MYZAP: variants seen among roughly 807,000 people sequenced by gnomAD.
The protein encoded by MYZAP is myocardial zonula adherens protein.
A neutral mutation model predicts 69.4 loss-of-function variants in MYZAP; 66 were observed. That is an observed-to-expected ratio of 0.95 (90% confidence interval 0.78 to 1.17). The LOEUF is 1.17. Among genes scored for constraint, MYZAP ranks in the 50% most tolerant of loss-of-function variants. The pLI, the probability that MYZAP is intolerant of heterozygous loss-of-function variation, is 0.00. For synonymous variants in MYZAP, 256 were observed against 205.9 expected (o/e 1.24, Z -2.09); for missense variants, 611 against 556.2 (o/e 1.10, Z -0.99).
rs765033891 is a variant in MYZAP, at chr15:57,625,762, C to T, written c.412-17C>T. 3 of 1,612,536 alleles carry T rather than the reference C, an allele frequency of 1.9e-6. No individual in the cohort carries two copies. Among genetic ancestry groups the T allele is most frequent in the Non-Finnish European group, 2.5e-6 (3 of 1,178,684 alleles). On this transcript the variant is annotated splice_polypyrimidine_tract_variant and intron_variant, in intron 4 of 12. Coordinates refer to ENST00000267853, the MANE Select transcript of MYZAP (RefSeq NM_001018100.5). ...GTAGGGATTGATTTTGTGTGACTGT[C>T]TCCTCGATCTGTCCAGGTTTCCCAT...
At chr15:57,657,653 T>C (rs1440324378) in intron 10 of MYZAP, among the ~76,000 whole-genome samples, 1 of 152,220 alleles carries the variant, frequency 6.6e-6, no homozygotes, top group Admixed American at 6.5e-5. Context: ...ACATTAATAG[T>C]CCATATTAAT....
At chr15:57,592,653 G>C (rs1433882913) in intron 1 of MYZAP, among the ~76,000 whole-genome samples, 1 of 152,150 alleles carries the variant, frequency 6.6e-6, no homozygotes, top group Non-Finnish European at 1.5e-5. Flanking sequence ...ACTTTCTTCT[G>C]TCTGATTTAA....
intron 10 of MYZAP, among the ~76,000 whole-genome samples, chr15:57,651,756 A>C (rs2037738393): frequency 6.6e-6 from 1 of 152,198 alleles, no homozygotes. Context: ...CTAAGCCAGC[A>C]AAGTTCCTGG....
chr15:57,662,284 G>A (rs1175294608), intron 11 of MYZAP, among the ~76,000 whole-genome samples: 1 of 152,192 alleles, frequency 6.6e-6, no homozygotes, highest in Non-Finnish European at 1.5e-5. Context: ...AAGCTGGTTT[G>A]CCAAGCACCT....
intron 2 of MYZAP, among the ~76,000 whole-genome samples, chr15:57,606,584 G>T (rs1173700654): frequency 2.7e-5 from 4 of 147,010 alleles, no homozygotes; most frequent in South Asian, 2.3e-4. Context: ...ATTGTGGGAT[G>T]GGGGGAGGGG....
chr15:57,630,954 A>G (rs932154809), intron 6 of MYZAP, among the ~76,000 whole-genome samples: 5 of 152,108 alleles, frequency 3.3e-5, no homozygotes, highest in African/African-American at 1.2e-4. Context: ...TGGGTGGGGA[A>G]GAGGGGCTGC....
chr15:57,593,982 A>T (rs573724586), intron 1 of MYZAP, among the ~76,000 whole-genome samples: 68 of 152,096 alleles, frequency 4.5e-4, no homozygotes, highest in African/African-American at 1.5e-3. Context: ...GGTCCGCCCT[A>T]CCTGTAGAGG....
chr15:57,679,628 T>C (rs1251062715), intron 12 of MYZAP, among the ~76,000 whole-genome samples: 2 of 152,154 alleles, frequency 1.3e-5, no homozygotes, highest in Admixed American at 6.6e-5. Context: ...TCTCCACCTA[T>C]CTCCCTGGTC....
intron 12 of MYZAP, among the ~76,000 whole-genome samples, chr15:57,676,751 T>G (rs2039156585): frequency 6.6e-6 from 1 of 152,174 alleles, no homozygotes; most frequent in Admixed American, 6.5e-5. Flanking sequence ...CTTTTCAATT[T>G]GTATGCCCAA....
At chr15:57,617,189 T>G (rs1381707589) in intron 2 of MYZAP, among the ~76,000 whole-genome samples, 1 of 152,128 alleles carries the variant, frequency 6.6e-6, no homozygotes. Context: ...GTCTCTGAAC[T>G]TCAGTTTTCT....
chr15:57,646,201 G>A, intron 10 of MYZAP: 1 of 1,289,344 alleles, frequency 7.8e-7, no homozygotes, highest in Non-Finnish European at 1.0e-6. Context: ...TAAGTTGGTA[G>A]CCTGCTCTGG....
At chr15:57,643,730 GT>G (rs1221479326) in intron 10 of MYZAP, among the ~76,000 whole-genome samples, 1,653 of 145,754 alleles carry the variant, frequency 0.011, 32 homozygotes, top group African/African-American at 0.04. Flanking sequence ...TTCTTAAGAG[GT>G]TTTTTTTTTG....
chr15:57,594,955 T>G (rs1424197249), intron 1 of MYZAP, among the ~76,000 whole-genome samples: 1 of 152,212 alleles, frequency 6.6e-6, no homozygotes, highest in Non-Finnish European at 1.5e-5. Context: ...CCATTAAAAT[T>G]GTATTTCTGG....
At chr15:57,637,644 C>G (rs376724574) in intron 8 of MYZAP, 51 bp from the exon 9 acceptor site, 1 of 1,584,936 alleles carries the variant, frequency 6.3e-7, no homozygotes, top group East Asian at 2.3e-5. Context: ...TAGACATTCT[C>G]TGTCAAACTT....
At chr15:57,660,630 G>T (rs1445978406) in intron 10 of MYZAP, among the ~76,000 whole-genome samples, 1 of 152,082 alleles carries the variant, frequency 6.6e-6, no homozygotes, top group Non-Finnish European at 1.5e-5. Flanking sequence ...GTGATTTTTT[G>T]AAATAATTTT....
chr15:57,612,792 G>A (rs141531965), intron 2 of MYZAP, among the ~76,000 whole-genome samples: 1 of 152,314 alleles, frequency 6.6e-6, no homozygotes, highest in East Asian at 1.9e-4. Flanking sequence ...GGGCCTGTAG[G>A]TAGAATTTAT....
At chr15:57,618,223 A>G in intron 3 of MYZAP, 35 bp downstream of exon 3, 2 of 1,607,050 alleles carry the variant, frequency 1.2e-6, no homozygotes, top group Non-Finnish European at 1.7e-6. Context: ...CCCCACCTGT[A>G]TTCTTTTTGT....
At position 57,637,699 on chromosome 15, in the gene MYZAP, G is replaced by A. The variant is rs754600804; in HGVS notation, c.938G>A (p.Arg313His). ...ATCAGTTTCTGTTTGTTTTAGGAAC[G>A]TCATCAACTGCAACTTCAACTCCTA... ...DRLIERMEKERHQLQLQLLEH... is the reference protein window; with the variant it reads ...DRLIERMEKEHHQLQLQLLEH... The change falls in exon 9 of 13, where the codon CGT (arginine) becomes CAT (histidine). Residue 313 changes from arginine to histidine, a missense_variant. Arg to His is a conservative substitution (Grantham distance 29, BLOSUM62 0). Coordinates refer to ENST00000267853, the MANE Select transcript of MYZAP (RefSeq NM_001018100.5). 11 of 1,612,508 alleles carry A rather than the reference G, an allele frequency of 6.8e-6. No individual in the cohort carries two copies. The highest frequency in any genetic ancestry group is 2.2e-5 in the East Asian group (1 of 44,828).
intron 11 of MYZAP, among the ~76,000 whole-genome samples, chr15:57,664,358 C>T (rs188069892): frequency 6.6e-6 from 1 of 152,182 alleles, no homozygotes; most frequent in Non-Finnish European, 1.5e-5. Context: ...AATATTTCAT[C>T]ATACATAGCT....
Sources: allele counts gnomAD v4.1 joint callset (sites outside exome capture counted in the v4.1 genomes callset), GRCh38; gene constraint gnomAD v4.1.1; transcripts MANE v1.5; gene names NCBI Gene and HGNC (gene_info 2026-07-23, HGNC 2026-07-21).